PPP2R2B: variants seen among roughly 807,000 people sequenced by gnomAD.
PPP2R2B encodes the protein protein phosphatase 2 regulatory subunit Bbeta, also known as serine/threonine-protein phosphatase 2A 55 kDa regulatory subunit B beta isoform.
PPP2R2B carries 5 observed loss-of-function variants against 46.0 expected under a neutral mutation model. The observed-to-expected ratio is 0.11, with a 90% confidence interval of 0.06 to 0.23. The LOEUF is 0.23. Among genes scored for constraint, PPP2R2B ranks in the 10% least tolerant of loss-of-function variants. The pLI is 1.00. For missense variants in PPP2R2B, 367 were observed against 575.0 expected, an observed-to-expected ratio of 0.64 and a Z score of 3.70; for synonymous variants, 215 against 206.7, an observed-to-expected ratio of 1.04 and a Z score of -0.34.
intron 2 of PPP2R2B, among the ~76,000 whole-genome samples, chr5:146,844,353 T>TAA (rs541590190): frequency 1.4e-3 from 187 of 136,398 alleles, no homozygotes; most frequent in East Asian, 4.8e-3. Context: ...TAGAGTATAA[T>TAA]AAAAAAAAAA....
intron 2 of PPP2R2B, among the ~76,000 whole-genome samples, chr5:146,717,594 CTCCTGCTTCT>C (rs1780566464): frequency 6.6e-6 from 1 of 152,196 alleles, no homozygotes; most frequent in Non-Finnish European, 1.5e-5. Flanking sequence ...TCAAATATAC[CTCCTGCTTCT>C]TCACCTGAAC....
chr5:146,821,777 C>CA (rs34886911), intron 2 of PPP2R2B, among the ~76,000 whole-genome samples: 1,961 of 135,372 alleles, frequency 0.014, 44 homozygotes, highest in African/African-American at 0.047. Context: ...AGTACTCTGC[C>CA]AAAAAAAAAA....
At chr5:146,756,695 C>T (rs1244431714) in intron 2 of PPP2R2B, among the ~76,000 whole-genome samples, 1 of 152,278 alleles carries the variant, frequency 6.6e-6, no homozygotes, top group South Asian at 2.1e-4. Context: ...AATAATAGTA[C>T]CAGCATCACA....
chr5:146,983,992 G>A (rs1292516856), intron 1 of PPP2R2B, among the ~76,000 whole-genome samples: 6 of 151,548 alleles, frequency 4.0e-5, no homozygotes, highest in Non-Finnish European at 5.9e-5. Context: ...TATTTATGTG[G>A]TACAAAGTAA....
intron 8 of PPP2R2B, among the ~76,000 whole-genome samples, chr5:146,596,621 T>C (rs536753779): frequency 3.3e-5 from 5 of 152,314 alleles, no homozygotes; most frequent in African/African-American, 1.2e-4. Flanking sequence ...GCCCTTTCTT[T>C]TGCATTAAGG....
chr5:146,845,137 G>A (rs921879612), intron 2 of PPP2R2B, among the ~76,000 whole-genome samples: 2 of 151,964 alleles, frequency 1.3e-5, no homozygotes, highest in Non-Finnish European at 2.9e-5. Flanking sequence ...TACTTGATTA[G>A]CTTTCCCACC....
At chr5:146,654,179 C>A (rs77116513) in intron 5 of PPP2R2B, among the ~76,000 whole-genome samples, 1 of 152,130 alleles carries the variant, frequency 6.6e-6, no homozygotes. Context: ...ACTCCCTGCC[C>A]CACCCAACTC....
chr5:146,698,019 G>A lies in PPP2R2B; in HGVS notation c.294C>T (p.Leu98=). ...GAAAGTAAGCTGCATTCTGCTGGGG[G>A]AGCCATCTTATTTTATTGATTTTTT... ...IEEKINKIRW[L]PQQNAAYFLL... The change falls in exon 4 of 10, where the codon CTC becomes CTT. Residue 98 remains leucine (L), a synonymous_variant. Transcript: ENST00000394411. 3 of 1,613,200 alleles carry A rather than the reference G, an allele frequency of 1.9e-6. No individual in the cohort carries two copies. Among genetic ancestry groups the A allele is most frequent in the Non-Finnish European group, 2.5e-6 (3 of 1,179,660 alleles).
rs1442638400 is a variant in PPP2R2B, at chr5:146,939,439, C to T, written c.79+116226G>A. On this transcript the variant is annotated intron_variant, in intron 1 of 8. Coordinates refer to the PPP2R2B transcript ENST00000336640. ...ATGAGCAGAAGTCAAGCTTAGGCTT[C>T]AACTTTTGCCATCGCTTAAATGGTA... 2.0e-5 allele frequency among the ~76,000 whole-genome samples: 3 copies of T among 152,302 alleles called. No individual in the cohort carries two copies. In the East Asian group the frequency reaches 5.8e-4, roughly 29 times the overall value.
chr5:147,006,107 G>T (rs879706153), intron 1 of PPP2R2B, among the ~76,000 whole-genome samples: 8 of 152,164 alleles, frequency 5.3e-5, no homozygotes, highest in Non-Finnish European at 1.2e-4. Context: ...CATCTAGGAG[G>T]AACTCCCTTC....
intron 2 of PPP2R2B, among the ~76,000 whole-genome samples, chr5:146,776,324 T>G (rs1755180375): frequency 6.6e-6 from 1 of 152,104 alleles, no homozygotes; most frequent in Non-Finnish European, 1.5e-5. Context: ...AATATAGAAT[T>G]GAGAGCCCAG....
At chr5:146,683,625 A>G (rs1250272909) in intron 5 of PPP2R2B, among the ~76,000 whole-genome samples, 1 of 152,230 alleles carries the variant, frequency 6.6e-6, no homozygotes, top group Non-Finnish European at 1.5e-5. Context: ...ATGGAACTCA[A>G]TTATCATCAT....
At chr5:147,006,397 A>G (rs879739271) in intron 1 of PPP2R2B, among the ~76,000 whole-genome samples, 6 of 152,204 alleles carry the variant, frequency 3.9e-5, no homozygotes, top group African/African-American at 9.6e-5. Flanking sequence ...GTTTTCAACA[A>G]AAGTAAAGTT....
chr5:146,784,480 C>T (rs575636156), intron 2 of PPP2R2B, among the ~76,000 whole-genome samples: 1 of 152,106 alleles, frequency 6.6e-6, no homozygotes, highest in East Asian at 1.9e-4. Context: ...ATATTTTTAC[C>T]CCACTACAAT....
intron 8 of PPP2R2B, among the ~76,000 whole-genome samples, chr5:146,598,583 T>G (rs1771455957): frequency 6.6e-6 from 1 of 152,196 alleles, no homozygotes; most frequent in Admixed American, 6.5e-5. Flanking sequence ...AAAACCAAAC[T>G]TTCGATTTTC....
At chr5:146,626,463 A>G (rs1194081769) in intron 7 of PPP2R2B, among the ~76,000 whole-genome samples, 1 of 152,162 alleles carries the variant, frequency 6.6e-6, no homozygotes, top group Non-Finnish European at 1.5e-5. Flanking sequence ...AATGGAAGAT[A>G]ATTTTTGGTT....
At chr5:146,738,730 T>A (rs973301241) in intron 2 of PPP2R2B, among the ~76,000 whole-genome samples, 12 of 152,188 alleles carry the variant, frequency 7.9e-5, no homozygotes, top group African/African-American at 2.9e-4. Context: ...GTTAAAGTTC[T>A]AATTATAGAC....
chr5:146,797,675 A>C (rs1201927440), intron 2 of PPP2R2B, among the ~76,000 whole-genome samples: 2 of 152,216 alleles, frequency 1.3e-5, no homozygotes, highest in Non-Finnish European at 2.9e-5. Context: ...TATTTATTGA[A>C]CATGCAGTAA....
chr5:146,784,400 A>G (rs189570271), intron 2 of PPP2R2B, among the ~76,000 whole-genome samples: 2 of 152,330 alleles, frequency 1.3e-5, no homozygotes, highest in East Asian at 3.9e-4. Context: ...AGATGTGATG[A>G]AGAAATATAT....
Sources: allele counts gnomAD v4.1 joint callset (sites outside exome capture counted in the v4.1 genomes callset), GRCh38; gene constraint gnomAD v4.1.1; transcripts MANE v1.5; gene names NCBI Gene and HGNC (gene_info 2026-07-23, HGNC 2026-07-21).